TNRC6C: variants seen among roughly 807,000 people sequenced by gnomAD.
TNRC6C encodes trinucleotide repeat containing adaptor 6C.
A neutral mutation model predicts 153.7 loss-of-function variants in TNRC6C; 20 were observed. The ratio of observed to expected loss-of-function variants is 0.13; its 90% CI spans 0.09 to 0.19. The LOEUF is 0.19. Among genes scored for constraint, TNRC6C ranks in the 10% least tolerant of loss-of-function variants. TNRC6C has a pLI of 1.00. For missense variants in TNRC6C, 1,987 were observed against 2,172.0 expected, an observed-to-expected ratio of 0.91 and a Z score of 1.69; for synonymous variants, 811 against 841.4, an observed-to-expected ratio of 0.96 and a Z score of 0.63.
chr17:78,068,016 C>T, intron 5 of TNRC6C, 93 bp downstream of exon 7: 1 of 1,449,182 alleles, frequency 6.9e-7, no homozygotes, highest in Non-Finnish European at 9.2e-7. Flanking sequence ...AAAGATAGAC[C>T]TGAGGTTCTC....
At chr17:77,993,206 C>T (rs1187914273) in intron 1 of TNRC6C, among the ~76,000 whole-genome samples, 2 of 152,212 alleles carry the variant, frequency 1.3e-5, no homozygotes, top group Non-Finnish European at 2.9e-5. Flanking sequence ...AGGTAATCCA[C>T]CCGCCTCTGC....
intron 1 of TNRC6C, 97 bp downstream of exon 1, chr17:77,959,365 T>C (rs2070841268): frequency 6.6e-6 from 1 of 151,358 alleles, no homozygotes; most frequent in South Asian, 2.0e-4. Flanking sequence ...GGGCGGGCGC[T>C]GGCCCCTAGC....
At chr17:78,011,643 A>G (rs2071633531) in intron 1 of TNRC6C, among the ~76,000 whole-genome samples, 1 of 152,336 alleles carries the variant, frequency 6.6e-6, no homozygotes, top group African/African-American at 2.4e-5. Context: ...TTCTTTTAAC[A>G]TTTATGTACA....
At chr17:78,056,143 C>G (rs2072649455) in intron 3 of TNRC6C, among the ~76,000 whole-genome samples, 1 of 151,626 alleles carries the variant, frequency 6.6e-6, no homozygotes, top group African/African-American at 2.4e-5. Context: ...AGCCACCATG[C>G]CTGGCCAGAA....
chr17:77,980,150 A>G (rs2071054424), intron 1 of TNRC6C, among the ~76,000 whole-genome samples: 1 of 152,256 alleles, frequency 6.6e-6, no homozygotes, highest in Admixed American at 6.5e-5. Context: ...AAGGATAGAT[A>G]GACGAATACA....
intron 1 of TNRC6C, among the ~76,000 whole-genome samples, chr17:78,007,538 A>T (rs1222083312): frequency 1.3e-5 from 2 of 152,230 alleles, no homozygotes; most frequent in Non-Finnish European, 2.9e-5. Context: ...TAGTGTTCAC[A>T]CATAAAATTG....
At chr17:78,050,688 C>T (rs1425849659) in exon 3 of TNRC6C, 1 of 1,567,582 alleles carries the variant, frequency 6.4e-7, no homozygotes, top group Admixed American at 1.8e-5. Context: ...ACTCGATAAG[C>T]TCTACTGCTG....
At chr17:77,966,400 T>C (rs1007804466) in intron 1 of TNRC6C, among the ~76,000 whole-genome samples, 3 of 152,156 alleles carry the variant, frequency 2.0e-5, no homozygotes, top group African/African-American at 7.2e-5. Flanking sequence ...GATGCCTACA[T>C]ACTGGTAGGG....
intron 1 of TNRC6C, among the ~76,000 whole-genome samples, chr17:78,009,161 T>C (rs1314659723): frequency 6.6e-6 from 1 of 152,218 alleles, no homozygotes; most frequent in East Asian, 1.9e-4. Flanking sequence ...AACTTGTGCA[T>C]TGTAGCTCTC....
At chr17:78,025,345 T>C (rs2071920649) in intron 1 of TNRC6C, among the ~76,000 whole-genome samples, 1 of 152,248 alleles carries the variant, frequency 6.6e-6, no homozygotes, top group Admixed American at 6.5e-5. Context: ...GTGGATTTTC[T>C]ACATACTGTA....
intron 17 of TNRC6C, among the ~76,000 whole-genome samples, chr17:78,100,807 C>T (rs1319236348): frequency 8.3e-6 from 1 of 119,912 alleles, no homozygotes; most frequent in Non-Finnish European, 1.6e-5. Flanking sequence ...TGGAGTTTCA[C>T]TCTTGTCACC....
intron 1 of TNRC6C, among the ~76,000 whole-genome samples, chr17:77,983,480 T>A (rs948090026): frequency 6.6e-6 from 1 of 152,188 alleles, no homozygotes; most frequent in Non-Finnish European, 1.5e-5. Context: ...TCTTAGTACT[T>A]CTTTGCACCA....
At chr17:77,983,522 C>G (rs1204056834) in intron 1 of TNRC6C, among the ~76,000 whole-genome samples, 3 of 152,102 alleles carry the variant, frequency 2.0e-5, no homozygotes, top group African/African-American at 7.2e-5. Context: ...CTGCAGTACT[C>G]AAGAAAAGGC....
At chr17:78,099,670 G>GT (rs1434372249) in intron 17 of TNRC6C, among the ~76,000 whole-genome samples, 2 of 152,142 alleles carry the variant, frequency 1.3e-5, no homozygotes, top group African/African-American at 4.8e-5. Flanking sequence ...TGAGATTTGG[G>GT]TGGGGACACA....
In TNRC6C at chr17:78,006,602, C is replaced by T. The variant is rs559194296; in HGVS notation, c.-546+1523C>T. 6.7e-4 allele frequency among the ~76,000 whole-genome samples: 95 copies of T among 142,714 alleles called. 3 individuals carry two copies. Among genetic ancestry groups the T allele is most frequent in the African/African-American group, 2.4e-3 (88 of 36,962 alleles). 93.6% of individuals were successfully genotyped at this position (142,714 alleles called of 152,430 possible). ...TTCTTCTTCCTTCTTCCTTCTTCCT[C>T]CTTCTTCCTTCTTCTTCTTTCTTCT... On this transcript the variant is annotated intron_variant, in intron 1 of 19. Transcript: ENST00000301624.
chr17:77,979,489 G>A (rs1231900723), intron 1 of TNRC6C, among the ~76,000 whole-genome samples: 1 of 152,100 alleles, frequency 6.6e-6, no homozygotes, highest in Non-Finnish European at 1.5e-5. Context: ...GAAAAAATTA[G>A]TAAACTAGAA....
rs370777558 is a variant in TNRC6C at position 78,086,947 on chromosome 17, C to T, written c.3656C>T (p.Pro1219Leu). The change falls in exon 13 of 20, where the codon CCG becomes CTG. Residue 1219 changes from proline (P) to leucine (L), a missense_variant. Transcript: ENST00000301624. ...CTCGTGAAGCAGCCACCACCGCCAC[C>T]GCCCCCGCCGCACCTGTCTCTGCAC... is the stretch of plus-strand genomic sequence containing the variant. 1.3e-4 allele frequency: 212 copies of T among 1,612,824 alleles called. 1 individual carries two copies. Among genetic ancestry groups the T allele is most frequent in the Middle Eastern group, 3.3e-4 (2 of 6,060 alleles).
At chr17:78,001,755 A>T (rs1322141704), upstream of TNRC6C, among the ~76,000 whole-genome samples, 3 of 152,118 alleles carry the variant, frequency 2.0e-5, no homozygotes, top group East Asian at 5.8e-4. Flanking sequence ...AAAGATATGA[A>T]TCTAGGTGGT....
intron 1 of TNRC6C, among the ~76,000 whole-genome samples, chr17:77,977,860 C>CATCAGT (rs2071022262): frequency 6.8e-6 from 1 of 147,202 alleles, no homozygotes; most frequent in Admixed American, 6.7e-5. Flanking sequence ...AAGTGTAATT[C>CATCAGT]ATCAGTATCA....
Sources: gnomAD v4.1 joint callset for allele counts (sites outside exome capture counted in the v4.1 genomes callset) on GRCh38, gnomAD v4.1.1 for gene constraint, MANE v1.5 for transcripts, NCBI Gene and HGNC (gene_info 2026-07-23, HGNC 2026-07-21) for gene names.